DHX32: variants seen among roughly 807,000 people sequenced by gnomAD.
DHX32 encodes DEAH-box helicase 32 (putative).
A neutral mutation model predicts 70.0 loss-of-function variants in DHX32; 51 were observed. The ratio of observed to expected loss-of-function variants is 0.73; its 90% confidence interval spans 0.58 to 0.92. The LOEUF (loss-of-function observed/expected upper bound fraction) is 0.92, where lower values mean the gene tolerates loss of function less well. Among genes scored for constraint, DHX32 ranks in the 40% least tolerant of loss-of-function variants. The pLI, the probability that DHX32 is intolerant of heterozygous loss-of-function variation, is 0.00. For missense variants in DHX32, 762 were observed against 891.8 expected (o/e 0.85, Z 1.85); for synonymous variants, 310 against 315.3 (o/e 0.98, Z 0.18).
chr10:125,860,024 CA>C lies in DHX32; in HGVS notation c.477-50del, dbSNP rs751910316. ...TAGAATATTCTTATGCTAACTCATGCAAAAAACTTCCTAACAAGAAAAATGC... is the reference window on the plus strand; with the variant it reads ...TAGAATATTCTTATGCTAACTCATGCAAAAACTTCCTAACAAGAAAAATGC... On this transcript the variant is annotated intron_variant, in intron 2 of 10. Coordinates refer to ENST00000284690, the MANE Select transcript of DHX32 (RefSeq NM_018180.3). 1.2e-5 allele frequency: 17 copies of C among 1,428,328 alleles called. No individual in the cohort carries two copies. The East Asian group carries it at 3.6e-4, about 31-fold the overall frequency. The allele number at this position is 1,428,328 out of a possible 1,614,324, so 88.5% of individuals were successfully genotyped here. A position where few individuals can be genotyped will look rare whatever the true frequency, so the allele number is the denominator to read the frequency against.
At chr10:125,893,916 T>C (rs1382982362) in intron 1 of DHX32, among the ~76,000 whole-genome samples, 1 of 152,260 alleles carries the variant, frequency 6.6e-6, no homozygotes, top group Non-Finnish European at 1.5e-5. Flanking sequence ...ACTAAAGTTA[T>C]TTCTACTTTG....
chr10:125,883,306 A>G (rs1181232306), upstream of DHX32, among the ~76,000 whole-genome samples: 7 of 152,176 alleles, frequency 4.6e-5, no homozygotes, highest in Admixed American at 2.6e-4. Flanking sequence ...CCAAATGGAG[A>G]GGTAGAGTCT....
At chr10:125,837,775 A>C (rs761616657) in intron 10 of DHX32, among the ~76,000 whole-genome samples, 5 of 152,172 alleles carry the variant, frequency 3.3e-5, no homozygotes, top group Non-Finnish European at 2.9e-5. Flanking sequence ...TGTGTACTGC[A>C]CTTAGATAAA....
At position 125,852,314 on chromosome 10, in the gene DHX32, A is replaced by G; in HGVS notation, c.1330T>C (p.Cys444Arg). The G allele has an allele frequency of 6.2e-7, 1 of 1,614,200 alleles. No individual in the cohort carries two copies. The highest frequency in any genetic ancestry group is 8.5e-7 in the Non-Finnish European group (1 of 1,180,034). ...KRIDIAGLGH[C>R]DFMNRPAPES... ...CTACCTGGTCTGTTCATGAAGTCACAGTGGCCTAGGCCCGCAATGTCTATC... is the reference window on the plus strand; with the variant it reads ...CTACCTGGTCTGTTCATGAAGTCACGGTGGCCTAGGCCCGCAATGTCTATC... Residue 444 changes from cysteine (C) to arginine (R), a missense_variant, in exon 6 of 11, where the codon TGT (cysteine) becomes CGT (arginine). By Grantham distance (180) the Cys-to-Arg change is radical. This residue lies in a region of DHX32 where 366 missense variants were observed against 402.6 expected (regional missense o/e 0.91). Coordinates refer to ENST00000284690, the MANE Select transcript of DHX32 (RefSeq NM_018180.3).
At chr10:125,861,263 C>T (rs1251392977) in intron 2 of DHX32, among the ~76,000 whole-genome samples, 5 of 151,364 alleles carry the variant, frequency 3.3e-5, no homozygotes, top group African/African-American at 1.2e-4. Flanking sequence ...TTTGGGAGGC[C>T]GAGGCAGGCG....
chr10:125,894,894 G>T (rs12161660), intron 1 of DHX32, among the ~76,000 whole-genome samples: 1 of 152,290 alleles, frequency 6.6e-6, no homozygotes, highest in African/African-American at 2.4e-5. Context: ...CTGGATACAG[G>T]AGTACTGCTG....
upstream of DHX32, among the ~76,000 whole-genome samples, chr10:125,882,561 A>G (rs1262008541): frequency 6.6e-6 from 1 of 152,246 alleles, no homozygotes; most frequent in Non-Finnish European, 1.5e-5. Flanking sequence ...AGAAAGTTTT[A>G]AAATTCACAG....
chr10:125,874,624 AGAACAGGTAAAGATAGTGT>A (rs1254854309), intron 1 of DHX32, among the ~76,000 whole-genome samples: 1 of 152,210 alleles, frequency 6.6e-6, no homozygotes, highest in African/African-American at 2.4e-5. Context: ...GTTCAATCTG[AGAACAGGTAAAGATAGTGT>A]GAATAACACG....
At chr10:125,841,518 A>G (rs1854880176) in intron 7 of DHX32, 4 of 1,433,208 alleles carry the variant, frequency 2.8e-6, no homozygotes, top group Non-Finnish European at 2.7e-6. Flanking sequence ...TCTGATGTAT[A>G]AATTTGCTGA....
At chr10:125,861,099 T>G (rs922254916) in intron 2 of DHX32, among the ~76,000 whole-genome samples, 31 of 152,306 alleles carry the variant, frequency 2.0e-4, no homozygotes, top group Middle Eastern at 3.4e-3. Context: ...CTTTTATTTA[T>G]TCTTGTACAT....
In DHX32 at chr10:125,838,237, T is replaced by G; in HGVS notation, c.2032A>C (p.Ile678Leu). ...HKFSISENNY[I>L]RITSEISPEL... Reference sequence around the variant, plus strand: ...GGAGAGATTTCTGAGGTAATCCTGATGTAGTTGTTCTCAGAAATGCTGAAT... The same window carrying G: ...GGAGAGATTTCTGAGGTAATCCTGAGGTAGTTGTTCTCAGAAATGCTGAAT... Residue 678 changes from isoleucine to leucine, a missense_variant, in exon 10 of 11, where the codon ATC becomes CTC. By Grantham distance (5) the Ile-to-Leu change is conservative (BLOSUM62 2). This residue lies in a region of DHX32 where 366 missense variants were observed against 402.6 expected (regional missense o/e 0.91). Transcript: ENST00000284690. 1 of 1,611,672 alleles carries G rather than the reference T, an allele frequency of 6.2e-7. No individual in the cohort carries two copies. The highest frequency in any genetic ancestry group is 8.5e-7 in the Non-Finnish European group (1 of 1,179,452).
At chr10:125,856,376 G>A (rs967949735) in intron 3 of DHX32, among the ~76,000 whole-genome samples, 5 of 152,122 alleles carry the variant, frequency 3.3e-5, no homozygotes, top group African/African-American at 1.2e-4. Flanking sequence ...ACATATTATC[G>A]TAAATCTCAA....
At chr10:125,851,945 A>G (rs2134043809) in intron 6 of DHX32, among the ~76,000 whole-genome samples, 1 of 151,680 alleles carries the variant, frequency 6.6e-6, no homozygotes, top group South Asian at 2.1e-4. Flanking sequence ...AAAAAAAGAA[A>G]AGAAAAAAGG....
At chr10:125,849,445 A>G (rs2134039794) in intron 6 of DHX32, among the ~76,000 whole-genome samples, 1 of 152,306 alleles carries the variant, frequency 6.6e-6, no homozygotes, top group Admixed American at 6.5e-5. Flanking sequence ...CTGGCCCTGG[A>G]AAGTTGTTTT....
chr10:125,838,332 A>G lies in DHX32; in HGVS notation c.1937T>C (p.Val646Ala), dbSNP rs1274501522. Reference protein sequence around the residue: ...GNYLMLTHKQVAQLHPLSGYS... With the variant: ...GNYLMLTHKQAAQLHPLSGYS... ...ACCAGACAGGGGATGCAGCTGAGCA[A>G]CCTGCTTATGTGTCAGCATTAAGTA... The change falls in exon 10 of 11, where the codon GTT (valine) becomes GCT (alanine). Residue 646 changes from valine (V) to alanine (A), a missense_variant. This residue lies in a region of DHX32 where 366 missense variants were observed against 402.6 expected (regional missense o/e 0.91). Transcript: ENST00000284690. 26 of 1,613,766 alleles carry G rather than the reference A, an allele frequency of 1.6e-5. No individual in the cohort carries two copies. The highest frequency in any genetic ancestry group is 2.1e-5 in the Non-Finnish European group (25 of 1,179,954).
chr10:125,873,149 G>T (rs914869358), intron 1 of DHX32, among the ~76,000 whole-genome samples: 1 of 152,198 alleles, frequency 6.6e-6, no homozygotes, highest in Non-Finnish European at 1.5e-5. Context: ...TCACGTATCC[G>T]TGTATGGTCT....
chr10:125,887,627 G>A, intron 1 of DHX32, among the ~76,000 whole-genome samples: 1 of 151,734 alleles, frequency 6.6e-6, no homozygotes, highest in African/African-American at 2.4e-5. Flanking sequence ...CATTGTATGT[G>A]TTTGTGTGTG....
At chr10:125,842,025 C>A in intron 6 of DHX32, 91 bp from the exon 7 acceptor site, 1 of 1,385,656 alleles carries the variant, frequency 7.2e-7, no homozygotes, top group South Asian at 1.7e-5. Flanking sequence ...ATGAAACAAG[C>A]AAACAATGGA....
intron 6 of DHX32, among the ~76,000 whole-genome samples, chr10:125,849,136 G>T (rs983201391): frequency 2.0e-5 from 3 of 152,194 alleles, no homozygotes; most frequent in Non-Finnish European, 2.9e-5. Flanking sequence ...GACATGGTCA[G>T]TTTGTCTGAA....
Sources: gnomAD v4.1 joint callset for allele counts (sites outside exome capture counted in the v4.1 genomes callset) on GRCh38, gnomAD v4.1.1 for gene constraint, gnomAD v4.1.1 regional missense constraint, MANE v1.5 for transcripts, NCBI Gene and HGNC (gene_info 2026-07-23, HGNC 2026-07-21) for gene names.